The following MEOX2 variants were observed in gnomAD, a reference collection of about 807,000 sequenced individuals.
MEOX2 encodes the protein homeobox protein MOX-2.
Under a neutral mutation model 27.0 loss-of-function variants are expected in MEOX2, and 11 were observed. The observed-to-expected ratio is 0.41, with a 90% CI of 0.26 to 0.68. The LOEUF (loss-of-function observed/expected upper bound fraction) is 0.68. MEOX2 is among the 30% of genes least tolerant of loss of function. The pLI is 0.33. For missense variants in MEOX2, 436 were observed against 385.4 expected (o/e 1.13, Z -1.10); for synonymous variants, 189 against 155.4 (o/e 1.22, Z -1.61).
At chr7:15,628,080 G>C (rs1239280809) in intron 1 of MEOX2, among the ~76,000 whole-genome samples, 1 of 151,992 alleles carries the variant, frequency 6.6e-6, no homozygotes, top group Admixed American at 6.6e-5. Context: ...GTTTCAAAGA[G>C]TGACATTTTA....
chr7:15,681,709 G>T (rs1231482394), intron 1 of MEOX2: 2 of 151,586 alleles, frequency 1.3e-5, no homozygotes, highest in African/African-American at 2.4e-5. Context: ...TGTTTTTTCA[G>T]TTTATTAGTA....
rs913669488 is a variant in MEOX2 at position 15,654,890 on chromosome 7, T to C, written c.518-27972A>G. On this transcript the variant is annotated intron_variant, in intron 1 of 2. Coordinates refer to ENST00000262041, the MANE Select transcript of MEOX2 (RefSeq NM_005924.5). ...TCTGCTTTTGATATTACAATAATAC[T>C]ATCTTTATGAAGTAAATTGGAAAGT... Among the ~76,000 whole-genome samples, 6 of 151,738 alleles carry C rather than the reference T, an allele frequency of 4.0e-5. No homozygotes were observed. The South Asian group carries it at 1.2e-3, about 31-fold the overall frequency.
chr7:15,612,541 G>C lies in MEOX2; in HGVS notation c.761C>G (p.Ala254Gly). The change falls in exon 3 of 3, where the codon GCT becomes GGT. Residue 254 changes from alanine (A) to glycine (G), a missense_variant. Coordinates refer to ENST00000262041, the MANE Select transcript of MEOX2 (RefSeq NM_005924.5). Reference sequence around the variant, plus strand: ...CACATTCACCAGTTCCTTTTCCCGAGCCGCAGCTCCTTGCTGTCCACCCTT... The same window carrying C: ...CACATTCACCAGTTCCTTTTCCCGACCCGCAGCTCCTTGCTGTCCACCCTT... ...RVKGGQQGAA[A>G]REKELVNVKK... is the part of the protein sequence containing the mutation. The C allele has an allele frequency of 6.2e-7, 1 of 1,614,130 alleles. No homozygotes were observed. The highest frequency in any genetic ancestry group is 8.5e-7 in the Non-Finnish European group (1 of 1,180,028).
Position 15,611,888 on chromosome 7 carries a change from C to G in MEOX2, c.*499G>C, listed in dbSNP as rs1781037837. On this transcript the variant is annotated 3_prime_UTR_variant, in exon 3 of 3. Coordinates refer to ENST00000262041, the MANE Select transcript of MEOX2 (RefSeq NM_005924.5). ...TTTTATCCACTTGAGTGAATTCAGG[C>G]ACTGTGGCTGTTCAGGATAAAATGT... 2 of 158,326 alleles carry G rather than the reference C, an allele frequency of 1.3e-5. No individual in the cohort carries two copies. The highest frequency in any genetic ancestry group is 4.8e-5 in the African/African-American group (2 of 41,510). 9.8% of individuals were successfully genotyped at this position (158,326 alleles called of 1,614,324 possible). A position where few individuals can be genotyped will look rare whatever the true frequency, so the allele number is the denominator to read the frequency against.
chr7:15,634,602 A>G (rs1781453934), intron 1 of MEOX2, among the ~76,000 whole-genome samples: 1 of 152,028 alleles, frequency 6.6e-6, no homozygotes, highest in Non-Finnish European at 1.5e-5. Context: ...AATTGCTCCC[A>G]GTAGAGAATC....
At chr7:15,652,189 G>C (rs540246509) in intron 1 of MEOX2, among the ~76,000 whole-genome samples, 1 of 151,974 alleles carries the variant, frequency 6.6e-6, no homozygotes, top group Non-Finnish European at 1.5e-5. Flanking sequence ...GCAGTAACAT[G>C]CTTTTACTGT....
At chr7:15,682,114 G>C (rs1037605930) in intron 1 of MEOX2, 5 of 151,510 alleles carry the variant, frequency 3.3e-5, no homozygotes, top group African/African-American at 4.9e-5. Flanking sequence ...TAGTCTACCA[G>C]TCCAAGATAA....
At chr7:15,613,775 C>A (rs1781073332) in intron 2 of MEOX2, among the ~76,000 whole-genome samples, 1 of 151,994 alleles carries the variant, frequency 6.6e-6, no homozygotes, top group Non-Finnish European at 1.5e-5. Flanking sequence ...TATTTTTTAT[C>A]ATTGTATAAT....
chr7:15,633,930 T>C (rs1350475538), intron 1 of MEOX2, among the ~76,000 whole-genome samples: 1 of 151,918 alleles, frequency 6.6e-6, no homozygotes, highest in Non-Finnish European at 1.5e-5. Context: ...TGTTCTGGCA[T>C]AGAAATTTAA....
intron 1 of MEOX2, among the ~76,000 whole-genome samples, chr7:15,640,233 T>G (rs1420407506): frequency 6.6e-6 from 1 of 150,676 alleles, no homozygotes; most frequent in Non-Finnish European, 1.5e-5. Flanking sequence ...TTGTTGCTGT[T>G]TGGGGGTTGT....
chr7:15,643,562 T>C (rs535135472), intron 1 of MEOX2, among the ~76,000 whole-genome samples: 1 of 152,274 alleles, frequency 6.6e-6, no homozygotes, highest in African/African-American at 2.4e-5. Flanking sequence ...CTTCCTCCCA[T>C]GTCCAGCCCA....
At chr7:15,619,477 G>C (rs1048513269) in intron 2 of MEOX2, among the ~76,000 whole-genome samples, 3 of 151,910 alleles carry the variant, frequency 2.0e-5, no homozygotes, top group Non-Finnish European at 4.4e-5. Flanking sequence ...TTAGACTCCT[G>C]GGAAGAATTA....
At chr7:15,658,341 C>G (rs1781855859) in intron 1 of MEOX2, among the ~76,000 whole-genome samples, 1 of 152,170 alleles carries the variant, frequency 6.6e-6, no homozygotes, top group South Asian at 2.1e-4. Flanking sequence ...GATGCAGAAG[C>G]AGCCATGGGA....
chr7:15,681,722 G>T (rs1019027341), intron 1 of MEOX2: 4 of 151,664 alleles, frequency 2.6e-5, no homozygotes, highest in Admixed American at 2.0e-4. Context: ...TATTAGTAAA[G>T]ATCAGCTTAT....
intron 1 of MEOX2, among the ~76,000 whole-genome samples, chr7:15,638,214 C>CT (rs1781513337): frequency 6.6e-6 from 1 of 152,032 alleles, no homozygotes; most frequent in African/African-American, 2.4e-5. Flanking sequence ...TGTATGATTA[C>CT]TTTTTAAAAA....
At chr7:15,612,650 A>C in intron 2 of MEOX2, 39 bp from the exon 3 acceptor site, 1 of 1,567,432 alleles carries the variant, frequency 6.4e-7, no homozygotes, top group South Asian at 1.1e-5. Flanking sequence ...AGAAAAAAAG[A>C]GATAATTAAA....
intron 1 of MEOX2, among the ~76,000 whole-genome samples, chr7:15,654,911 A>G (rs1001374229): frequency 3.3e-5 from 5 of 151,760 alleles, no homozygotes; most frequent in Admixed American, 1.3e-4. Context: ...AGTAAATTGG[A>G]AAGTACTCTC....
At chr7:15,649,841 C>G (rs1283108594) in intron 1 of MEOX2, among the ~76,000 whole-genome samples, 2 of 152,002 alleles carry the variant, frequency 1.3e-5, no homozygotes, top group African/African-American at 2.4e-5. Flanking sequence ...TGCTGATAAG[C>G]CATCAGGAAC....
At chr7:15,650,779 G>A (rs1286434309) in intron 1 of MEOX2, among the ~76,000 whole-genome samples, 1 of 152,002 alleles carries the variant, frequency 6.6e-6, no homozygotes, top group Non-Finnish European at 1.5e-5. Context: ...TCAATGCAAT[G>A]AAAGAGTTGC....
Sources: allele counts gnomAD v4.1 joint callset (sites outside exome capture counted in the v4.1 genomes callset), GRCh38; gene constraint gnomAD v4.1.1; transcripts MANE v1.5; gene names NCBI Gene and HGNC (gene_info 2026-07-23, HGNC 2026-07-21).